Variants in GOLGA8A observed in about 807,000 individuals in gnomAD.
The protein encoded by GOLGA8A is golgin subfamily A member 8A.
GOLGA8A carries 3 observed loss-of-function variants against 22.1 expected under a neutral mutation model. That is an observed-to-expected ratio of 0.14 (90% CI 0.06 to 0.35). The LOEUF (loss-of-function observed/expected upper bound fraction) is 0.35. GOLGA8A is among the 10% of genes least tolerant of loss of function. The pLI, the probability that GOLGA8A is intolerant of heterozygous loss-of-function variation, is 1.00. For synonymous variants in GOLGA8A, 7 were observed against 91.7 expected (o/e 0.08, Z 5.28); for missense variants, 16 against 233.2 (o/e 0.07, Z 6.07).
chr15:34,412,024 GT>G (rs1206230155), intron 2 of GOLGA8A, among the ~76,000 whole-genome samples: 118 of 16,000 alleles, frequency 7.4e-3, no homozygotes, highest in East Asian at 0.019. Flanking sequence ...CTGGTCCTGG[GT>G]TTTTTTTTTT....
At chr15:34,435,215 A>G (rs1311172781) in intron 2 of GOLGA8A, among the ~76,000 whole-genome samples, 168 bp downstream of exon 2, 1 of 149,308 alleles carries the variant, frequency 6.7e-6, no homozygotes, top group East Asian at 2.0e-4. Context: ...CCACTCCAAC[A>G]GCCCTCACTG....
intron 1 of GOLGA8A, among the ~76,000 whole-genome samples, chr15:34,437,084 C>G (rs1595675801): frequency 6.7e-6 from 1 of 148,166 alleles, no homozygotes; most frequent in Non-Finnish European, 1.5e-5. Flanking sequence ...CGCCACTTGC[C>G]GGCGCCGAGA....
chr15:34,426,261 AAAG>A (rs1892979759), intron 2 of GOLGA8A, among the ~76,000 whole-genome samples: 1 of 149,898 alleles, frequency 6.7e-6, no homozygotes, highest in Non-Finnish European at 1.5e-5. Flanking sequence ...CTGCTTGCGC[AAAG>A]GACAAGGGAC....
intron 2 of GOLGA8A, chr15:34,417,806 A>G (rs547272657): frequency 2.7e-5 from 4 of 147,744 alleles, no homozygotes; most frequent in Non-Finnish European, 6.0e-5. Flanking sequence ...TTACACAGTA[A>G]TTTTCAACTG....
At chr15:34,424,060 T>C (rs1477808737) in intron 2 of GOLGA8A, among the ~76,000 whole-genome samples, 3 of 147,434 alleles carry the variant, frequency 2.0e-5, no homozygotes, top group African/African-American at 7.6e-5. Flanking sequence ...GAAAGCCACA[T>C]CCTCTAAGGC....
At chr15:34,432,977 G>A (rs1208521573) in intron 2 of GOLGA8A, among the ~76,000 whole-genome samples, 1 of 148,814 alleles carries the variant, frequency 6.7e-6, no homozygotes, top group Non-Finnish European at 1.5e-5. Context: ...AACAACCACA[G>A]GCAAGAGGCC....
chr15:34,433,686 A>G (rs62014618), intron 2 of GOLGA8A, among the ~76,000 whole-genome samples: 2 of 149,320 alleles, frequency 1.3e-5, no homozygotes, highest in Non-Finnish European at 3.0e-5. Context: ...CCCGTGTTTC[A>G]TTCACTCACT....
chr15:34,433,707 C>T (rs534629330), intron 2 of GOLGA8A, among the ~76,000 whole-genome samples: 1 of 149,562 alleles, frequency 6.7e-6, no homozygotes, highest in East Asian at 2.0e-4. Flanking sequence ...CATCCAACAA[C>T]AGCACTAAGG....
rs369554987 is a variant in GOLGA8A at position 34,426,136 on chromosome 15, A to C, written c.-1123+9247T>G. On this transcript the variant is annotated intron_variant, in intron 2 of 24. Coordinates refer to ENST00000359187, the MANE Select transcript of GOLGA8A (RefSeq NM_181077.5). Reference sequence around the variant, plus strand: ...TACGAAAACAACCCCATGCAGATGCAAGGGTTTAATGTACGAGACTCCACC... The same window carrying C: ...TACGAAAACAACCCCATGCAGATGCCAGGGTTTAATGTACGAGACTCCACC... Among the ~76,000 whole-genome samples, 41 of 149,270 alleles carry C rather than the reference A, an allele frequency of 2.7e-4. 3 individuals are homozygous for C. The highest frequency in any genetic ancestry group is 3.4e-3 in the Middle Eastern group (1 of 294).
chr15:34,424,412 G>C (rs1223749519), intron 2 of GOLGA8A, among the ~76,000 whole-genome samples: 1 of 140,688 alleles, frequency 7.1e-6, no homozygotes, highest in Non-Finnish European at 1.5e-5. Context: ...GGTCGACGAT[G>C]GCAAATGATT....
intron 2 of GOLGA8A, among the ~76,000 whole-genome samples, chr15:34,429,372 A>G (rs963351633): frequency 6.9e-6 from 1 of 145,818 alleles, no homozygotes; most frequent in Admixed American, 7.0e-5. Context: ...ACCTACACAA[A>G]CTACATAATC....
intron 2 of GOLGA8A, among the ~76,000 whole-genome samples, chr15:34,427,783 A>G (rs576390421): frequency 6.8e-6 from 1 of 148,024 alleles, no homozygotes; most frequent in Non-Finnish European, 1.5e-5. Flanking sequence ...GTGCACATAA[A>G]TAAGCCAGGG....
At position 34,432,390 on chromosome 15, in the gene GOLGA8A, C is replaced by T. The variant is rs74470269; in HGVS notation, c.-1123+2993G>A. On this transcript the variant is annotated intron_variant, in intron 2 of 24. Transcript: ENST00000359187. ...CCCAGCAGGAGACAGGGACAGAACACGGACCTCACACTCTCTCCAGCTCAG... is the reference window on the plus strand; with the variant it reads ...CCCAGCAGGAGACAGGGACAGAACATGGACCTCACACTCTCTCCAGCTCAG... Among the ~76,000 whole-genome samples, 556 of 148,812 alleles carry T rather than the reference C, an allele frequency of 3.7e-3. 55 individuals are homozygous for T. The highest frequency in any genetic ancestry group is 0.033 in the Admixed American group (479 of 14,694).
chr15:34,397,284 T>C (rs576052140), intron 8 of GOLGA8A, among the ~76,000 whole-genome samples: 2 of 145,872 alleles, frequency 1.4e-5, no homozygotes, highest in African/African-American at 4.9e-5. Context: ...CATACCCAGC[T>C]ATATATTTTA....
At chr15:34,431,955 G>A (rs1966541) in intron 2 of GOLGA8A, among the ~76,000 whole-genome samples, 14,010 of 148,462 alleles carry the variant, frequency 0.094, 1,744 homozygotes, top group South Asian at 0.25. Flanking sequence ...CAGTACATAT[G>A]TATCTCAACT....
At chr15:34,430,553 A>C (rs117947488) in intron 2 of GOLGA8A, among the ~76,000 whole-genome samples, 14,012 of 148,860 alleles carry the variant, frequency 0.094, 1,750 homozygotes, top group South Asian at 0.25. Flanking sequence ...CCTGTGGCCA[A>C]AATCGGCCCA....
intron 2 of GOLGA8A, chr15:34,417,989 C>T (rs1461587836): frequency 7.2e-6 from 1 of 138,602 alleles, no homozygotes; most frequent in Non-Finnish European, 1.6e-5. Flanking sequence ...CCAGTATATA[C>T]ACATCGCTGA....
intron 2 of GOLGA8A, among the ~76,000 whole-genome samples, chr15:34,423,969 T>C (rs1892880491): frequency 6.8e-6 from 1 of 146,854 alleles, no homozygotes; most frequent in African/African-American, 2.5e-5. Context: ...CTGGCATGGG[T>C]CCCAGACATT....
intron 2 of GOLGA8A, among the ~76,000 whole-genome samples, chr15:34,427,542 C>A (rs1225811495): frequency 6.7e-6 from 1 of 148,172 alleles, no homozygotes; most frequent in Admixed American, 6.9e-5. Flanking sequence ...TACTGCTCTG[C>A]AAAAGGAGGA....
Sources: gnomAD v4.1 joint callset for allele counts (sites outside exome capture counted in the v4.1 genomes callset) on GRCh38, gnomAD v4.1.1 for gene constraint, MANE v1.5 for transcripts, NCBI Gene and HGNC (gene_info 2026-07-23, HGNC 2026-07-21) for gene names.